UBE2D2: variants seen among roughly 807,000 people sequenced by gnomAD.
The protein encoded by UBE2D2 is ubiquitin-conjugating enzyme E2 D2.
UBE2D2 carries 2 observed loss-of-function variants against 24.2 expected under a neutral mutation model. The ratio of observed to expected loss-of-function variants is 0.08; its 90% CI spans 0.03 to 0.26. The LOEUF (loss-of-function observed/expected upper bound fraction) is 0.26, where lower values mean the gene tolerates loss of function less well. Ranked by LOEUF, UBE2D2 falls within the 10% of genes least tolerant of loss-of-function variation. The pLI, the probability that UBE2D2 is intolerant of heterozygous loss-of-function variation, is 1.00. For synonymous variants in UBE2D2, 58 were observed against 56.5 expected (o/e 1.03, Z -0.12); for missense variants, 44 against 177.6 (o/e 0.25, Z 4.28).
At chr5:139,546,146 C>G (rs1011926599) in intron 1 of UBE2D2, among the ~76,000 whole-genome samples, 5 of 151,838 alleles carry the variant, frequency 3.3e-5, no homozygotes, top group Non-Finnish European at 5.9e-5. Flanking sequence ...TGGCTTCAAG[C>G]GATTCTCCTG....
intron 1 of UBE2D2, among the ~76,000 whole-genome samples, chr5:139,587,399 A>T (rs182161258): frequency 2.9e-3 from 442 of 152,244 alleles, no homozygotes; most frequent in African/African-American, 0.01. Context: ...ACAAACATGG[A>T]TGAGGCCGTG....
upstream of UBE2D2, among the ~76,000 whole-genome samples, chr5:139,558,847 C>T (rs1482889469): frequency 6.6e-6 from 1 of 151,780 alleles, no homozygotes; most frequent in South Asian, 2.1e-4. Flanking sequence ...TTCACCACAC[C>T]TGAGGTGCAG....
chr5:139,583,572 G>C (rs1457431169), intron 1 of UBE2D2, among the ~76,000 whole-genome samples: 1 of 152,028 alleles, frequency 6.6e-6, no homozygotes, highest in Non-Finnish European at 1.5e-5. Context: ...GACCAACCTG[G>C]CCAACAAGGT....
exon 1 of UBE2D2, chr5:139,526,557 A>C (rs1341522514): frequency 6.6e-6 from 1 of 152,316 alleles, no homozygotes; most frequent in Admixed American, 6.5e-5. Flanking sequence ...GGATTAACAC[A>C]GTGGCTGAAC....
intron 1 of UBE2D2, among the ~76,000 whole-genome samples, chr5:139,538,566 A>G (rs937304396): frequency 6.6e-6 from 1 of 152,140 alleles, no homozygotes; most frequent in African/African-American, 2.4e-5. Context: ...ATCCCTTGGT[A>G]AAATATATAT....
At chr5:139,614,539 C>T in intron 2 of UBE2D2, 47 bp from the exon 3 acceptor site, 2 of 1,605,204 alleles carry the variant, frequency 1.2e-6, no homozygotes, top group East Asian at 2.2e-5. Context: ...GGCGTAGATA[C>T]AATGTAGATA....
chr5:139,584,920 GAC>G (rs1210059195), intron 1 of UBE2D2, among the ~76,000 whole-genome samples: 2 of 134,752 alleles, frequency 1.5e-5, no homozygotes, highest in African/African-American at 2.8e-5. Context: ...TTTTTTTTGA[GAC>G]ACAGGTTCGC....
At chr5:139,542,471 C>T (rs1310765757) in intron 1 of UBE2D2, among the ~76,000 whole-genome samples, 1 of 151,954 alleles carries the variant, frequency 6.6e-6, no homozygotes, top group Non-Finnish European at 1.5e-5. Flanking sequence ...TGGGTTCAAG[C>T]AAGCATATGT....
upstream of UBE2D2, among the ~76,000 whole-genome samples, chr5:139,558,861 A>C (rs537906522): frequency 7.7e-3 from 1,176 of 151,926 alleles, 8 homozygotes; most frequent in Middle Eastern, 0.041. Flanking sequence ...GGTGCAGTGG[A>C]ACCACCACGG....
At chr5:139,542,440 G>A (rs1008224771) in intron 1 of UBE2D2, among the ~76,000 whole-genome samples, 2 of 151,942 alleles carry the variant, frequency 1.3e-5, no homozygotes, top group African/African-American at 4.8e-5. Flanking sequence ...CAGGATCTCG[G>A]CTCACTGCAA....
At chr5:139,598,256 G>T (rs1333922132) in intron 1 of UBE2D2, among the ~76,000 whole-genome samples, 1 of 152,152 alleles carries the variant, frequency 6.6e-6, no homozygotes, top group Non-Finnish European at 1.5e-5. Context: ...CAGACAGGAT[G>T]AAACGACATA....
Position 139,588,270 on chromosome 5 carries a change from G to GT in UBE2D2, c.25-12098dup, listed in dbSNP as rs111762691. 3.5e-4 allele frequency among the ~76,000 whole-genome samples: 53 copies of GT among 149,822 alleles called. 1 individual carries two copies. The Middle Eastern group carries it at 0.01, about 29-fold the overall frequency. On this transcript the variant is annotated intron_variant, in intron 1 of 6. Coordinates refer to ENST00000398733, the MANE Select transcript of UBE2D2 (RefSeq NM_003339.3). ...AGCGTTTTTTTTTTTGTTTTGTTTT[G>GT]TTTTGTTTTGAGACAGAGGGAGTTT...
At chr5:139,609,068 C>A (rs1454426166) in intron 2 of UBE2D2, among the ~76,000 whole-genome samples, 1 of 150,660 alleles carries the variant, frequency 6.6e-6, no homozygotes, top group Non-Finnish European at 1.5e-5. Flanking sequence ...GCCCAGGCGA[C>A]AGAGCGAGAC....
At chr5:139,568,172 T>C (rs169015) in intron 1 of UBE2D2, among the ~76,000 whole-genome samples, 151,636 of 151,856 alleles carry the variant, frequency 1, 75,715 homozygotes, top group Middle Eastern at 1. Context: ...GGTGAAACCC[T>C]GTCTCTACTA....
At chr5:139,617,370 A>AT (rs1292231182) in intron 5 of UBE2D2, among the ~76,000 whole-genome samples, 14,692 of 102,440 alleles carry the variant, frequency 0.14, 1,528 homozygotes, top group Non-Finnish European at 0.18. Flanking sequence ...GTGGTGTGTG[A>AT]TTTTTTTTTT....
chr5:139,581,084 G>A (rs1267700509), intron 1 of UBE2D2, among the ~76,000 whole-genome samples: 1 of 152,142 alleles, frequency 6.6e-6, no homozygotes, highest in Non-Finnish European at 1.5e-5. Context: ...TGTGGGGGAG[G>A]AGAGGATGGG....
intron 1 of UBE2D2, among the ~76,000 whole-genome samples, chr5:139,545,572 C>T (rs1232850923): frequency 1.3e-5 from 2 of 150,910 alleles, no homozygotes; most frequent in Non-Finnish European, 3.0e-5. Flanking sequence ...ATTATAGGCA[C>T]CACCCACCAT....
intron 1 of UBE2D2, among the ~76,000 whole-genome samples, chr5:139,576,808 C>A (rs1293397655): frequency 2.0e-5 from 3 of 152,052 alleles, no homozygotes; most frequent in Admixed American, 1.3e-4. Context: ...TGTACCTGTT[C>A]ACATTTTTGT....
At chr5:139,577,484 G>T (rs1753499419) in intron 1 of UBE2D2, among the ~76,000 whole-genome samples, 1 of 148,494 alleles carries the variant, frequency 6.7e-6, no homozygotes, top group African/African-American at 2.5e-5. Flanking sequence ...GGTGATCTCG[G>T]CTCACTGCAA....
Sources: gnomAD v4.1 joint callset for allele counts (sites outside exome capture counted in the v4.1 genomes callset) on GRCh38, gnomAD v4.1.1 for gene constraint, MANE v1.5 for transcripts, NCBI Gene and HGNC (gene_info 2026-07-23, HGNC 2026-07-21) for gene names.